CHID1: variants seen among roughly 807,000 people sequenced by gnomAD.
CHID1 encodes the protein chitinase domain-containing protein 1.
CHID1 carries 44 observed loss-of-function variants against 55.4 expected under a neutral mutation model. That is an observed-to-expected ratio of 0.79 (90% CI 0.62 to 1.02). CHID1 has a LOEUF of 1.02. CHID1 is among the 50% of genes least tolerant of loss of function. The pLI is 0.00. For missense variants in CHID1, 491 were observed against 515.3 expected (o/e 0.95, Z 0.46); for synonymous variants, 216 against 212.9 (o/e 1.01, Z -0.13).
At chr11:899,318 A>C (rs755505430) in intron 7 of CHID1, 22 bp downstream of exon 7, 6 of 1,587,432 alleles carry the variant, frequency 3.8e-6, no homozygotes, top group Admixed American at 3.5e-5. Context: ...AGGGCCACCC[A>C]CCACCACCTG....
chr11:869,996 T>C lies in CHID1; in HGVS notation c.1084-40A>G. The C allele has an allele frequency of 1.9e-6, 3 of 1,605,832 alleles. No homozygotes were observed. The South Asian group carries it at 3.3e-5, about 18-fold the overall frequency. ...AGGTGTGAGCACCTGCTGGGGCCTG[T>C]CCCCCCAACACCCAGGGATGTCCTC... is the stretch of plus-strand genomic sequence containing the variant. On this transcript the variant is annotated intron_variant, in intron 12 of 12. Transcript: ENST00000323578.
Position 902,301 on chromosome 11 carries a change from C to A in CHID1, c.291G>T (p.Lys97Asn), listed in dbSNP as rs147404587. 1.2e-6 allele frequency: 2 copies of A among 1,613,614 alleles called. No individual in the cohort carries two copies. The highest frequency in any genetic ancestry group is 2.7e-5 in the African/African-American group (2 of 75,028). ...PWNSHGYDVT[K>N]VFGSKFTQIS... Reference sequence around the variant, plus strand: ...TCTGTGTGAACTTGCTCCCAAAGACCTTGGTGACATCGTAGCCATGGCTGT... The same window carrying A: ...TCTGTGTGAACTTGCTCCCAAAGACATTGGTGACATCGTAGCCATGGCTGT... The change falls in exon 4 of 13, where the codon AAG becomes AAT. Residue 97 changes from lysine (K) to asparagine (N), a missense_variant. Physicochemically the swap from Lys to Asn is moderately conservative, Grantham distance 94 (BLOSUM62 0). Coordinates refer to ENST00000323578, the MANE Select transcript of CHID1 (RefSeq NM_023947.4).
At chr11:902,746 G>T (rs554191006) in intron 3 of CHID1, among the ~76,000 whole-genome samples, 1 of 152,310 alleles carries the variant, frequency 6.6e-6, no homozygotes, top group Non-Finnish European at 1.5e-5. Flanking sequence ...AACCCACAGA[G>T]ATCAGCACAG....
intron 7 of CHID1, among the ~76,000 whole-genome samples, chr11:897,511 C>T (rs770716780): frequency 2.0e-5 from 3 of 152,216 alleles, no homozygotes; most frequent in South Asian, 4.1e-4. Context: ...CCACTGCCCA[C>T]GGCTCAGCAA....
At chr11:889,483 G>C (rs2134220724) in intron 8 of CHID1, among the ~76,000 whole-genome samples, 1 of 152,274 alleles carries the variant, frequency 6.6e-6, no homozygotes, top group South Asian at 2.1e-4. Context: ...CTGCACTCCA[G>C]CTACCAGACC....
rs1020432879 is a variant in CHID1 at position 875,915 on chromosome 11, C to T, written c.960-5416G>A. ...GAGGACACAGTATAGGCTGGAGGAG[C>T]GAGGAGGCTGGGACTGGATGACTGG... is the stretch of plus-strand genomic sequence containing the variant. On this transcript the variant is annotated intron_variant, in intron 10 of 12. Coordinates refer to ENST00000323578, the MANE Select transcript of CHID1 (RefSeq NM_023947.4). This position sits in a 1 kb window ranked among gnomAD's most constrained non-coding sequence, Gnocchi z 4.7. 2.0e-5 allele frequency among the ~76,000 whole-genome samples: 3 copies of T among 152,124 alleles called. No homozygotes were observed. Among genetic ancestry groups the T allele is most frequent in the South Asian group, 2.1e-4 (1 of 4,808 alleles).
chr11:887,799 C>T (rs923577088), intron 8 of CHID1, among the ~76,000 whole-genome samples: 18 of 152,200 alleles, frequency 1.2e-4, no homozygotes, highest in Non-Finnish European at 1.6e-4. Context: ...GGTGCTGCAA[C>T]GCCCCTGTCC....
chr11:910,910 A>G (rs542586529), upstream of CHID1: 1,743 of 917,392 alleles, frequency 1.9e-3, 13 homozygotes, highest in African/African-American at 0.018. Flanking sequence ...GGGCCAGGAC[A>G]GGGGACTGGG....
chr11:904,672 G>A lies in CHID1; in HGVS notation c.111+34C>T, dbSNP rs1446320301. On this transcript the variant is annotated intron_variant, in intron 2 of 12. Transcript: ENST00000323578. ...AGGATGATGGATCAGCCCTCAGCCAGTACAGTCACCTCAAGTCCCCAGGCC... is the reference window on the plus strand; with the variant it reads ...AGGATGATGGATCAGCCCTCAGCCAATACAGTCACCTCAAGTCCCCAGGCC... 3 of 1,612,894 alleles carry A rather than the reference G, an allele frequency of 1.9e-6. No homozygotes were observed. In the East Asian group the frequency reaches 6.7e-5, roughly 36 times the overall value.
chr11:888,269 G>A (rs1850545329), intron 8 of CHID1, among the ~76,000 whole-genome samples: 1 of 152,238 alleles, frequency 6.6e-6, no homozygotes, highest in Admixed American at 6.5e-5. Context: ...GCAGCTCACG[G>A]TGGTGATCAG....
intron 7 of CHID1, 31 bp from the exon 8 acceptor site, chr11:893,550 G>A: frequency 2.0e-6 from 3 of 1,500,826 alleles, no homozygotes; most frequent in Non-Finnish European, 2.7e-6. Flanking sequence ...GGTCAGCAGT[G>A]CCTGGCACTG....
Position 887,220 on chromosome 11 carries a change from G to A in CHID1, c.702-3051C>T, listed in dbSNP as rs190358753. 2.0e-3 allele frequency among the ~76,000 whole-genome samples: 306 copies of A among 152,178 alleles called. 2 individuals carry two copies. The highest frequency in any genetic ancestry group is 7.1e-3 in the African/African-American group (296 of 41,514). On this transcript the variant is annotated intron_variant, in intron 8 of 12. Transcript: ENST00000323578. ...CTTTTAAATTTTTTGTAAAGATGAG[G>A]TCTCACTATGTTGCCCAGGCTGGTC...
rs374726958 is a variant in CHID1, at chr11:902,971, A to G, written c.252T>C (p.Tyr84=). 5 of 1,613,804 alleles carry G rather than the reference A, an allele frequency of 3.1e-6. No individual in the cohort carries two copies. In the African/African-American group the frequency reaches 4.0e-5, roughly 13 times the overall value. The stretch of plus-strand genomic sequence containing the variant: ...GAGGGCCCCAACTTACTGGAGTGAC[A>G]TAGCCCAGTACATCCCCAGCAAAGT... ...DRHFAGDVLG[Y]VTPWNSHGYD... Residue 84 remains tyrosine, a synonymous_variant, in exon 3 of 13, where the codon TAT becomes TAC. Coordinates refer to ENST00000323578, the MANE Select transcript of CHID1 (RefSeq NM_023947.4).
Position 870,327 on chromosome 11 carries a change from A to AC in CHID1, c.1040+91dup. On this transcript the variant is annotated intron_variant, in intron 11 of 12. Transcript: ENST00000323578. ...CAGCAAGTGAGCTCGTGACCCTGAG[A>AC]CCCCCTGGGCCCTGCTGCTCCCTCA... 17 of 1,344,808 alleles carry AC rather than the reference A, an allele frequency of 1.3e-5. 1 individual carries two copies. The highest frequency in any genetic ancestry group is 4.9e-5 in the South Asian group (4 of 80,926). 83.3% of individuals were successfully genotyped at this position (1,344,808 alleles called of 1,614,324 possible). A position where few individuals can be genotyped will look rare whatever the true frequency, so the allele number is the denominator to read the frequency against.
At chr11:902,071 C>G (rs1373046569) in intron 4 of CHID1, 127 bp downstream of exon 4, 4 of 957,892 alleles carry the variant, frequency 4.2e-6, no homozygotes, top group African/African-American at 3.3e-5. Flanking sequence ...CACGCAGAGA[C>G]ACACACACAC....
At chr11:898,272 G>A (rs572152188) in intron 7 of CHID1, among the ~76,000 whole-genome samples, 1 of 152,294 alleles carries the variant, frequency 6.6e-6, no homozygotes, top group Non-Finnish European at 1.5e-5. Context: ...GGATGAAAGT[G>A]CCATGGCTGC....
In CHID1 at chr11:900,116, G is replaced by A; in HGVS notation, c.440-6C>T. 1 of 1,609,998 alleles carries A rather than the reference G, an allele frequency of 6.2e-7. No individual in the cohort carries two copies. The highest frequency in any genetic ancestry group is 8.5e-7 in the Non-Finnish European group (1 of 1,176,742). On this transcript the variant is annotated splice_region_variant and splice_polypyrimidine_tract_variant and intron_variant, in intron 5 of 12. Transcript: ENST00000323578. ...CTCAAACAGGAGCCGAGGCACTGCAGGGGCAACAGACACACACGGGGGCCG... is the reference window on the plus strand; with the variant it reads ...CTCAAACAGGAGCCGAGGCACTGCAAGGGCAACAGACACACACGGGGGCCG...
At chr11:912,155 C>T (rs1852732306), upstream of CHID1, among the ~76,000 whole-genome samples, 1 of 152,244 alleles carries the variant, frequency 6.6e-6, no homozygotes, top group African/African-American at 2.4e-5. Flanking sequence ...AACCCTGTCT[C>T]TACTAAAAAT....
upstream of CHID1, chr11:910,816 G>GA (rs928123708): frequency 1.8e-6 from 2 of 1,104,164 alleles, no homozygotes; most frequent in Non-Finnish European, 2.2e-6. Context: ...CGCACGGCCG[G>GA]AAAACGCTCC....
Sources: gnomAD v4.1 joint callset for allele counts (sites outside exome capture counted in the v4.1 genomes callset) on GRCh38, gnomAD v4.1.1 for gene constraint, Gnocchi (gnomAD v3.1) non-coding constraint, MANE v1.5 for transcripts, NCBI Gene and HGNC (gene_info 2026-07-23, HGNC 2026-07-21) for gene names.